The following ADIPOQ variants were observed in gnomAD, a reference collection of about 807,000 sequenced individuals.
ADIPOQ encodes adiponectin.
ADIPOQ carries 19 observed loss-of-function variants against 16.1 expected under a neutral mutation model. The observed-to-expected ratio is 1.18, with a 90% CI of 0.82 to 1.73. ADIPOQ has a LOEUF of 1.73. ADIPOQ is among the 40% of genes most tolerant of loss of function. ADIPOQ has a pLI of 0.00. For missense variants in ADIPOQ, 323 were observed against 308.3 expected (o/e 1.05, Z -0.36); for synonymous variants, 124 against 125.5 (o/e 0.99, Z 0.08).
intron 1 of ADIPOQ, among the ~76,000 whole-genome samples, chr3:186,846,929 C>T (rs536196566): frequency 6.6e-6 from 1 of 152,268 alleles, no homozygotes; most frequent in Admixed American, 6.5e-5. Flanking sequence ...GATGTGTGAC[C>T]ACGATACTTT....
intron 2 of ADIPOQ, among the ~76,000 whole-genome samples, chr3:186,853,615 C>T (rs1711869128): frequency 1.3e-5 from 2 of 152,154 alleles, no homozygotes; most frequent in Admixed American, 6.5e-5. Flanking sequence ...TACTGCACAC[C>T]CCCTGAAAGG....
rs1222473377 is a variant in ADIPOQ at position 186,856,343 on chromosome 3, A to T, written c.*1639A>T. On this transcript the variant is annotated 3_prime_UTR_variant, in exon 3 of 3. Transcript: ENST00000320741. ...GCATTCTCTATCAATATATAAATTT[A>T]AAAAACTATCTTTTTGCTTACAGTT... The T allele has an allele frequency of 2.6e-5, 4 of 152,250 alleles. No individual in the cohort carries two copies. The highest frequency in any genetic ancestry group is 2.1e-4 in the South Asian group (1 of 4,838). 9.4% of individuals were successfully genotyped at this position (152,250 alleles called of 1,614,324 possible). A position where few individuals can be genotyped will look rare whatever the true frequency, so the allele number is the denominator to read the frequency against.
intron 1 of ADIPOQ, among the ~76,000 whole-genome samples, chr3:186,845,894 A>G (rs1711563146): frequency 6.6e-6 from 1 of 152,182 alleles, no homozygotes; most frequent in Admixed American, 6.5e-5. Context: ...TCACATGATC[A>G]CATTTCGCGG....
intron 2 of ADIPOQ, 52 bp downstream of exon 2, chr3:186,853,324 C>T: frequency 2.6e-6 from 4 of 1,536,234 alleles, no homozygotes; most frequent in South Asian, 1.2e-5. Context: ...CTGATATAAA[C>T]TATATGAAGG....
rs1261640587 is a variant in ADIPOQ, at chr3:186,853,131, C to T, written c.73C>T (p.Pro25Ser). The T allele has an allele frequency of 1.2e-6, 2 of 1,614,216 alleles. No homozygotes were observed. Among genetic ancestry groups the T allele is most frequent in the Middle Eastern group, 1.6e-4 (1 of 6,062 alleles). ...GHDQETTTQGPGVLLPLPKGA... is the reference protein window; with the variant it reads ...GHDQETTTQGSGVLLPLPKGA... Reference sequence around the variant, plus strand: ...TGACCAGGAAACCACGACTCAAGGGCCCGGAGTCCTGCTTCCCCTGCCCAA... The same window carrying T: ...TGACCAGGAAACCACGACTCAAGGGTCCGGAGTCCTGCTTCCCCTGCCCAA... The change falls in exon 2 of 3, where the codon CCC becomes TCC. Residue 25 changes from proline (P) to serine (S), a missense_variant. Coordinates refer to ENST00000320741, the MANE Select transcript of ADIPOQ (RefSeq NM_004797.4).
chr3:186,849,272 G>T (rs552238248), intron 1 of ADIPOQ, among the ~76,000 whole-genome samples: 1 of 152,316 alleles, frequency 6.6e-6, no homozygotes, highest in Admixed American at 6.5e-5. Flanking sequence ...AGAAAAACAT[G>T]CATGGAGCTC....
chr3:186,853,077 G>T lies in ADIPOQ; in HGVS notation c.19G>T (p.Val7Phe). ...GCTCAGGATGCTGTTGCTGGGAGCT[G>T]TTCTACTGCTATTAGCTCTGCCCGG... is the stretch of plus-strand genomic sequence containing the variant. MLLLGA[V>F]LLLLALPGHD... The change falls in exon 2 of 3, where the codon GTT becomes TTT. Residue 7 changes from valine to phenylalanine, a missense_variant. Val to Phe is a conservative substitution (Grantham distance 50). Coordinates refer to ENST00000320741, the MANE Select transcript of ADIPOQ (RefSeq NM_004797.4). 1 of 1,614,174 alleles carries T rather than the reference G, an allele frequency of 6.2e-7. No individual in the cohort carries two copies. Among genetic ancestry groups the T allele is most frequent in the Non-Finnish European group, 8.5e-7 (1 of 1,180,022 alleles).
intron 1 of ADIPOQ, among the ~76,000 whole-genome samples, chr3:186,848,492 C>A (rs1259775812): frequency 1.3e-5 from 2 of 152,178 alleles, no homozygotes; most frequent in East Asian, 3.9e-4. Context: ...AGCTTTCCAT[C>A]GCATCACGGT....
intron 1 of ADIPOQ, among the ~76,000 whole-genome samples, chr3:186,846,388 C>A (rs1400652757): frequency 3.3e-5 from 5 of 152,022 alleles, no homozygotes; most frequent in African/African-American, 9.7e-5. Flanking sequence ...GGCACCACCA[C>A]CCCCAGCTAA....
chr3:186,844,721 T>C (rs1461148003), intron 1 of ADIPOQ, among the ~76,000 whole-genome samples: 6 of 151,424 alleles, frequency 4.0e-5, no homozygotes, highest in Admixed American at 3.3e-4. Flanking sequence ...TTTTTAAAAA[T>C]TTTTTGTAGA....
intron 2 of ADIPOQ, 92 bp from the exon 3 acceptor site, chr3:186,854,092 G>C (rs1017696487): frequency 1.4e-6 from 2 of 1,385,998 alleles, no homozygotes; most frequent in African/African-American, 1.4e-5. Flanking sequence ...AGAAGGTTGT[G>C]AGTGGGAGCC....
In ADIPOQ at chr3:186,853,161, G is replaced by T; in HGVS notation, c.103G>T (p.Ala35Ser). The T allele has an allele frequency of 6.2e-7, 1 of 1,614,212 alleles. No individual in the cohort carries two copies. The highest frequency in any genetic ancestry group is 8.5e-7 in the Non-Finnish European group (1 of 1,180,024). The change falls in exon 2 of 3, where the codon GCC (alanine) becomes TCC (serine). Residue 35 changes from alanine (A) to serine (S), a missense_variant. By Grantham distance (99) the Ala-to-Ser change is moderately conservative. Coordinates refer to ENST00000320741, the MANE Select transcript of ADIPOQ (RefSeq NM_004797.4). ...PGVLLPLPKG[A>S]CTGWMAGIPG... ...AGTCCTGCTTCCCCTGCCCAAGGGG[G>T]CCTGCACAGGTTGGATGGCGGGCAT...
At chr3:186,848,081 G>T (rs1711625742) in intron 1 of ADIPOQ, among the ~76,000 whole-genome samples, 1 of 151,906 alleles carries the variant, frequency 6.6e-6, no homozygotes, top group African/African-American at 2.4e-5. Flanking sequence ...GGTGAGGCAG[G>T]AGCATCAGTT....
intron 1 of ADIPOQ, among the ~76,000 whole-genome samples, chr3:186,843,730 T>C (rs1487380511): frequency 6.6e-6 from 1 of 151,282 alleles, no homozygotes; most frequent in Non-Finnish European, 1.5e-5. Flanking sequence ...GCCTGGCATA[T>C]AGTGGCAACT....
At chr3:186,842,961 C>T (rs2108486699) in intron 1 of ADIPOQ, among the ~76,000 whole-genome samples, 1 of 152,312 alleles carries the variant, frequency 6.6e-6, no homozygotes, top group South Asian at 2.1e-4. Context: ...TCAGACATTC[C>T]TTCTAAGATG....
At chr3:186,849,153 G>A (rs1479192036) in intron 1 of ADIPOQ, among the ~76,000 whole-genome samples, 1 of 152,188 alleles carries the variant, frequency 6.6e-6, no homozygotes, top group Non-Finnish European at 1.5e-5. Context: ...AAGGTTTGGG[G>A]TAAGCCCCCC....
At chr3:186,847,770 C>T (rs1220676507) in intron 1 of ADIPOQ, among the ~76,000 whole-genome samples, 1 of 152,196 alleles carries the variant, frequency 6.6e-6, no homozygotes, top group Admixed American at 6.5e-5. Context: ...AATTGTGACA[C>T]TTGAGATTTA....
In ADIPOQ at chr3:186,854,440, G is replaced by A. The variant is rs1346335128; in HGVS notation, c.471G>A (p.Leu157=). Residue 157 remains leucine (L), a synonymous_variant, in exon 3 of 3, where the codon CTG becomes CTA. Coordinates refer to ENST00000320741, the MANE Select transcript of ADIPOQ (RefSeq NM_004797.4). ...AATTCCACTGCAACATTCCTGGGCT[G>A]TACTACTTTGCCTACCACATCACAG... is the stretch of plus-strand genomic sequence containing the variant. ...TGKFHCNIPG[L]YYFAYHITVY... 1 of 1,614,086 alleles carries A rather than the reference G, an allele frequency of 6.2e-7. No individual in the cohort carries two copies. The highest frequency in any genetic ancestry group is 8.5e-7 in the Non-Finnish European group (1 of 1,180,042).
At chr3:186,854,035 C>A (rs1297781667) in intron 2 of ADIPOQ, 149 bp from the exon 3 acceptor site, 2 of 769,674 alleles carry the variant, frequency 2.6e-6, no homozygotes, top group African/African-American at 3.5e-5. Flanking sequence ...GGAGGTAACA[C>A]CTCTCTCCTT....
Sources: gnomAD v4.1 joint callset for allele counts (sites outside exome capture counted in the v4.1 genomes callset) on GRCh38, gnomAD v4.1.1 for gene constraint, MANE v1.5 for transcripts, NCBI Gene and HGNC (gene_info 2026-07-23, HGNC 2026-07-21) for gene names.